Variants in HOOK1 observed in about 807,000 individuals in gnomAD.
HOOK1 encodes the protein protein Hook homolog 1.
A neutral mutation model predicts 112.8 loss-of-function variants in HOOK1; 60 were observed. The ratio of observed to expected loss-of-function variants is 0.53; its 90% CI spans 0.43 to 0.66. The LOEUF (loss-of-function observed/expected upper bound fraction) is 0.66. HOOK1 is among the 30% of genes least tolerant of loss of function. The pLI, the probability that HOOK1 is intolerant of heterozygous loss-of-function variation, is 0.00. For missense variants in HOOK1, 770 were observed against 856.0 expected (o/e 0.90, Z 1.25); for synonymous variants, 294 against 283.8 (o/e 1.04, Z -0.36).
intron 6 of HOOK1, 123 bp downstream of exon 6, chr1:59,835,535 T>C (rs1360713925): frequency 1.2e-5 from 7 of 606,776 alleles, no homozygotes; most frequent in Non-Finnish European, 2.0e-5. Flanking sequence ...TCCCCTTAGC[T>C]AGTGGGTCTT....
chr1:59,826,941 T>C (rs988413587), intron 2 of HOOK1, among the ~76,000 whole-genome samples: 6 of 152,266 alleles, frequency 3.9e-5, no homozygotes, highest in East Asian at 1.9e-4. Flanking sequence ...TTTTTTGTAT[T>C]TTCAGTAGAG....
Position 59,848,400 on chromosome 1 carries a change from C to T in HOOK1, c.1015C>T (p.Gln339Ter). Reference protein sequence around the residue: ...KLQDLNDLRKQVKTLQETNMM... With the variant: ...KLQDLNDLRK ...ACAAGATCTGAATGACCTTCGCAAG[C>T]AGGTGAAAACTTTACAGGAAACCAA... is the stretch of plus-strand genomic sequence containing the variant. Residue 339 changes from glutamine (Q) to a stop codon, truncating the protein, a stop_gained, in exon 11 of 22, where the codon CAG (glutamine) becomes TAG (stop). Coordinates refer to ENST00000371208, the MANE Select transcript of HOOK1 (RefSeq NM_015888.6). LOFTEE classifies it high-confidence loss of function. 6.2e-7 allele frequency: 1 copy of T among 1,610,696 alleles called. No homozygotes were observed. Among genetic ancestry groups the T allele is most frequent in the Non-Finnish European group, 8.5e-7 (1 of 1,177,602 alleles).
intron 2 of HOOK1, among the ~76,000 whole-genome samples, chr1:59,826,357 A>G (rs1160653640): frequency 6.6e-6 from 1 of 151,602 alleles, no homozygotes; most frequent in Non-Finnish European, 1.5e-5. Flanking sequence ...AAAAAAAAAG[A>G]GATGCCCTGA....
At chr1:59,832,851 T>A (rs1302409205) in intron 4 of HOOK1, among the ~76,000 whole-genome samples, 1 of 152,106 alleles carries the variant, frequency 6.6e-6, no homozygotes, top group Non-Finnish European at 1.5e-5. Flanking sequence ...TGTTTAATAT[T>A]CTCTAAAATT....
chr1:59,817,513 C>A (rs2098382520), intron 1 of HOOK1, among the ~76,000 whole-genome samples: 1 of 151,788 alleles, frequency 6.6e-6, no homozygotes, highest in African/African-American at 2.4e-5. Context: ...ATTATTTTTG[C>A]CTTTGCCAGC....
chr1:59,829,643 T>A (rs1487327900), intron 3 of HOOK1, among the ~76,000 whole-genome samples: 1 of 152,104 alleles, frequency 6.6e-6, no homozygotes, highest in African/African-American at 2.4e-5. Flanking sequence ...TATTGGTTAT[T>A]TGTGTCTTTT....
intron 16 of HOOK1, 96 bp downstream of exon 16, chr1:59,862,973 C>G (rs549668227): frequency 1.1e-5 from 8 of 711,042 alleles, no homozygotes; most frequent in South Asian, 1.0e-4. Context: ...AAGTACAGCC[C>G]TTATCATTGA....
At position 59,843,514 on chromosome 1, in the gene HOOK1, C is replaced by G; in HGVS notation, c.704C>G (p.Ser235Cys). ...GAAAAACTTGACCAGTTGGATGGCT[C>G]TTTTGATGATCCAAACACAGTGGTT... is the stretch of plus-strand genomic sequence containing the variant. ...MNEKLDQLDG[S>C]FDDPNTVVAK... Residue 235 changes from serine (S) to cysteine (C), a missense_variant, in exon 9 of 22, where the codon TCT (serine) becomes TGT (cysteine). Ser to Cys is a moderately radical substitution (Grantham distance 112). Transcript: ENST00000371208. 1 of 1,610,108 alleles carries G rather than the reference C, an allele frequency of 6.2e-7. No individual in the cohort carries two copies. Among genetic ancestry groups the G allele is most frequent in the Non-Finnish European group, 8.5e-7 (1 of 1,177,678 alleles).
At chr1:59,837,054 G>A in intron 7 of HOOK1, 119 bp downstream of exon 7, 1 of 633,090 alleles carries the variant, frequency 1.6e-6, no homozygotes, top group East Asian at 2.8e-5. Flanking sequence ...GTGAAATTTG[G>A]TTTATTCTTC....
intron 12 of HOOK1, among the ~76,000 whole-genome samples, chr1:59,852,699 TAA>T (rs1574209124): frequency 6.6e-6 from 1 of 151,850 alleles, no homozygotes; most frequent in East Asian, 1.9e-4. Context: ...CCTTTGTATA[TAA>T]GTTTTTTTTT....
rs1222737483 is a variant in HOOK1 at position 59,873,589 on chromosome 1, C to T, written c.*624C>T. On this transcript the variant is annotated 3_prime_UTR_variant, in exon 22 of 22. Transcript: ENST00000371208. Reference sequence around the variant, plus strand: ...TAAAATTGACTAATTGGAAATTTTGCATATTCTGAAAATCTAATCTCATAG... The same window carrying T: ...TAAAATTGACTAATTGGAAATTTTGTATATTCTGAAAATCTAATCTCATAG... 6.6e-6 allele frequency: 1 copy of T among 151,406 alleles called. No homozygotes were observed. Among genetic ancestry groups the T allele is most frequent in the Non-Finnish European group, 1.5e-5 (1 of 67,848 alleles). 9.4% of individuals were successfully genotyped at this position (151,406 alleles called of 1,614,324 possible).
intron 2 of HOOK1, among the ~76,000 whole-genome samples, chr1:59,827,596 G>A (rs190809238): frequency 3.3e-5 from 5 of 152,220 alleles, no homozygotes; most frequent in Admixed American, 3.3e-4. Context: ...TGGCATCTGG[G>A]AATAGTTGAG....
At chr1:59,865,433 T>G (rs1017493485) in intron 18 of HOOK1, among the ~76,000 whole-genome samples, 188 bp downstream of exon 18, 1 of 152,140 alleles carries the variant, frequency 6.6e-6, no homozygotes, top group Non-Finnish European at 1.5e-5. Flanking sequence ...GCAAAAAATC[T>G]AATAAAATGA....
intron 21 of HOOK1, 61 bp downstream of exon 21, chr1:59,871,171 C>A: frequency 1.9e-6 from 2 of 1,037,844 alleles, no homozygotes; most frequent in Non-Finnish European, 1.5e-6. Flanking sequence ...TTTTTTTTGA[C>A]CAAGTACAAC....
rs763506431 is a variant in HOOK1, at chr1:59,865,905, A to T, written c.1778A>T (p.Gln593Leu). ...QKINELEAAL[Q>L]KKDEDMKAME... ...ATCAATGAACTTGAAGCTGCTCTTC[A>T]GAAGAAAGATGAAGATATGAAAGCA... The change falls in exon 19 of 22, where the codon CAG (glutamine) becomes CTG (leucine). Residue 593 changes from glutamine (Q) to leucine (L), a missense_variant. Coordinates refer to ENST00000371208, the MANE Select transcript of HOOK1 (RefSeq NM_015888.6). 2.5e-6 allele frequency: 4 copies of T among 1,594,904 alleles called. No individual in the cohort carries two copies. The Admixed American group carries it at 7.1e-5, about 28-fold the overall frequency.
intron 16 of HOOK1, 101 bp from the exon 17 acceptor site, chr1:59,864,531 G>A (rs1478341971): frequency 2.8e-6 from 2 of 702,474 alleles, no homozygotes; most frequent in Non-Finnish European, 5.0e-6. Flanking sequence ...TTATAATTTT[G>A]CCTGGTACAC....
intron 12 of HOOK1, among the ~76,000 whole-genome samples, chr1:59,851,447 A>G (rs999491697): frequency 6.6e-6 from 1 of 151,650 alleles, no homozygotes; most frequent in Non-Finnish European, 1.5e-5. Flanking sequence ...AAAATTATCA[A>G]TATCATTTTT....
At chr1:59,854,038 A>ATAT (rs1559057062) in intron 12 of HOOK1, among the ~76,000 whole-genome samples, 1 of 11,444 alleles carries the variant, frequency 8.7e-5, no homozygotes, top group Non-Finnish European at 1.3e-4. Context: ...ATATATATAT[A>ATAT]TTTTTTTTTT....
At chr1:59,863,833 T>C in intron 16 of HOOK1, 2 of 968,898 alleles carry the variant, frequency 2.1e-6, no homozygotes, top group Non-Finnish European at 2.5e-6. Flanking sequence ...AGAAATCGTC[T>C]CATGCATGGC....
Sources: gnomAD v4.1 joint callset for allele counts (sites outside exome capture counted in the v4.1 genomes callset) on GRCh38, gnomAD v4.1.1 for gene constraint, MANE v1.5 for transcripts, NCBI Gene and HGNC (gene_info 2026-07-23, HGNC 2026-07-21) for gene names.